GLI3: variants seen among roughly 807,000 people sequenced by gnomAD.
GLI3 encodes the protein GLI family zinc finger 3, also known as transcription activator GLI3.
Under a neutral mutation model 100.8 loss-of-function variants are expected in GLI3, and 20 were observed. The ratio of observed to expected loss-of-function variants is 0.20; its 90% CI spans 0.14 to 0.29. GLI3 has a LOEUF of 0.29. Ranked by LOEUF, GLI3 falls within the 10% of genes least tolerant of loss-of-function variation. GLI3 has a pLI of 1.00. For missense variants in GLI3, 2,040 were observed against 2,128.5 expected, an observed-to-expected ratio of 0.96 and a Z score of 0.82; for synonymous variants, 938 against 860.5, an observed-to-expected ratio of 1.09 and a Z score of -1.58.
chr7:42,076,412 A>T (rs1278621955), intron 4 of GLI3, among the ~76,000 whole-genome samples: 5 of 152,216 alleles, frequency 3.3e-5, no homozygotes, highest in Admixed American at 6.5e-5. Context: ...TGAACATAAC[A>T]AACTTCAAAC....
rs1007543767 is a variant in GLI3 at position 42,126,332 on chromosome 7, G to A, written c.367+21894C>T. ...TGTCTGCACACATTGCTTTAACAAC[G>A]CTCACCTATATGACTATTTCTCATA... On this transcript the variant is annotated intron_variant, in intron 3 of 14. Coordinates refer to ENST00000395925, the MANE Select transcript of GLI3 (RefSeq NM_000168.6). Among the ~76,000 whole-genome samples the A allele has an allele frequency of 4.6e-5, 7 of 152,226 alleles. 1 individual carries two copies. The highest frequency in any genetic ancestry group is 3.9e-4 in the Admixed American group (6 of 15,292).
chr7:42,016,525 T>C (rs1191280416), intron 10 of GLI3, among the ~76,000 whole-genome samples: 2 of 150,360 alleles, frequency 1.3e-5, no homozygotes, highest in East Asian at 2.0e-4. Context: ...TTTTAGCTAA[T>C]TCCCTCACCG....
rs781504214 is a variant in GLI3, at chr7:42,076,778, A to T, written c.447T>A (p.Asp149Glu). The change falls in exon 4 of 15, where the codon GAT becomes GAA. Residue 149 changes from aspartate to glutamate, a missense_variant. Around this residue, in one of 5 missense-constraint regions of GLI3, gnomAD observed 603 missense variants for 690.9 expected, o/e 0.87. Transcript: ENST00000395925. Reference protein sequence around the residue: ...ARHHEGRYHYDPSPIPPLHMT... With the variant: ...ARHHEGRYHYEPSPIPPLHMT... ...TATGCAATGGAGGAATCGGAGATGG[A>T]TCGTAATGGTAACGGCCCTCATGAT... 1 of 1,607,624 alleles carries T rather than the reference A, an allele frequency of 6.2e-7. No individual in the cohort carries two copies. The highest frequency in any genetic ancestry group is 8.5e-7 in the Non-Finnish European group (1 of 1,174,010).
At chr7:42,043,791 G>A (rs1485542036) in intron 6 of GLI3, among the ~76,000 whole-genome samples, 1 of 152,206 alleles carries the variant, frequency 6.6e-6, no homozygotes, top group Non-Finnish European at 1.5e-5. Flanking sequence ...AATAGGGAAA[G>A]TAATGCGGGC....
At chr7:42,036,303 G>C (rs1331062491) in intron 7 of GLI3, among the ~76,000 whole-genome samples, 1 of 152,276 alleles carries the variant, frequency 6.6e-6, no homozygotes, top group African/African-American at 2.4e-5. Flanking sequence ...CCACCATGTA[G>C]AAACTTACTT....
At chr7:42,234,894 T>C (rs932363555) in intron 1 of GLI3, among the ~76,000 whole-genome samples, 3 of 152,222 alleles carry the variant, frequency 2.0e-5, no homozygotes, top group Non-Finnish European at 2.9e-5. Context: ...TTACAACTAA[T>C]TTAAATGTTA....
At chr7:42,059,099 A>C (rs1382011710) in intron 4 of GLI3, among the ~76,000 whole-genome samples, 1 of 152,270 alleles carries the variant, frequency 6.6e-6, no homozygotes, top group Non-Finnish European at 1.5e-5. Flanking sequence ...CTCACATTTT[A>C]GAATTAAGAA....
At chr7:42,214,138 T>C (rs1398955944) in intron 2 of GLI3, among the ~76,000 whole-genome samples, 1 of 152,234 alleles carries the variant, frequency 6.6e-6, no homozygotes, top group African/African-American at 2.4e-5. Context: ...GGCTTTTCTC[T>C]CACATCTTTC....
rs777586456 is a variant in GLI3, at chr7:41,964,461, G to A, written c.4612C>T (p.Leu1538Phe). Residue 1538 changes from leucine to phenylalanine, a missense_variant, in exon 15 of 15, where the codon CTC (leucine) becomes TTC (phenylalanine). Leu to Phe is a conservative substitution (Grantham distance 22, BLOSUM62 0). Around this residue, in one of 5 missense-constraint regions of GLI3, gnomAD observed 1,041 missense variants for 924.0 expected, o/e 1.13. Transcript: ENST00000395925. The stretch of plus-strand genomic sequence containing the variant: ...GGGAGGGACGCCCGAGGCGTGGTGA[G>A]GCGGGAGGAGCTATGGGAAAGGTTC... ...IQNLSHSSSR[L>F]TTPRASLPFP... is the part of the protein sequence containing the mutation. The A allele has an allele frequency of 3.1e-6, 5 of 1,614,104 alleles. No homozygotes were observed. The South Asian group carries it at 5.5e-5, about 18-fold the overall frequency.
intron 1 of GLI3, among the ~76,000 whole-genome samples, chr7:42,247,002 G>A (rs968108167): frequency 3.3e-5 from 5 of 151,840 alleles, no homozygotes; most frequent in South Asian, 4.2e-4. Flanking sequence ...CCATTAAGCC[G>A]GTTGTACAGG....
At chr7:42,127,249 A>C (rs1562745285) in intron 3 of GLI3, among the ~76,000 whole-genome samples, 1 of 152,220 alleles carries the variant, frequency 6.6e-6, no homozygotes, top group Non-Finnish European at 1.5e-5. Flanking sequence ...TGCAGTAGAC[A>C]AACTGCCTCA....
chr7:42,148,135 GCACACACACACACACACACACACACACA>G, intron 3 of GLI3, 63 bp downstream of exon 3: 4 of 866,618 alleles, frequency 4.6e-6, no homozygotes, highest in South Asian at 2.2e-5. Context: ...CATAAAGCGC[GCACACACACACACACACACACACACACA>G]CACACACACA....
At chr7:42,188,721 G>C (rs1445637996) in intron 2 of GLI3, among the ~76,000 whole-genome samples, 1 of 152,156 alleles carries the variant, frequency 6.6e-6, no homozygotes, top group Non-Finnish European at 1.5e-5. Flanking sequence ...ATATCACTAA[G>C]TGAAAGAAGG....
intron 3 of GLI3, among the ~76,000 whole-genome samples, chr7:42,135,419 T>C (rs1335766270): frequency 6.6e-6 from 1 of 152,228 alleles, no homozygotes; most frequent in Non-Finnish European, 1.5e-5. Context: ...TATCTTTATC[T>C]CACAGACCAG....
At chr7:42,124,375 T>C (rs566164685) in intron 3 of GLI3, among the ~76,000 whole-genome samples, 122 of 152,340 alleles carry the variant, frequency 8.0e-4, no homozygotes, top group Admixed American at 2.5e-3. Flanking sequence ...ACGACACTTA[T>C]TGTGGGACTG....
Position 42,158,493 on chromosome 7 carries a change from ATT to A in GLI3, c.125-10027_125-10026del, listed in dbSNP as rs201692522. On this transcript the variant is annotated intron_variant, in intron 2 of 14. Coordinates refer to ENST00000395925, the MANE Select transcript of GLI3 (RefSeq NM_000168.6). ...TGTTCTATCTGTACATGTGAAGACTATTTTTTTTTTTTTGGGATGGACTTTCA... is the reference window on the plus strand; with the variant it reads ...TGTTCTATCTGTACATGTGAAGACTATTTTTTTTTTTGGGATGGACTTTCA... Among the ~76,000 whole-genome samples the A allele has an allele frequency of 2.2e-3, 311 of 142,800 alleles. 5 individuals are homozygous for A. The East Asian group carries it at 0.031, about 14-fold the overall frequency. 93.7% of individuals were successfully genotyped at this position (142,800 alleles called of 152,430 possible).
rs1787072045 is a variant in GLI3, at chr7:41,963,781, A to G, written c.*549T>C. On this transcript the variant is annotated 3_prime_UTR_variant, in exon 15 of 15. Transcript: ENST00000395925. ...TCATCTATGCTACAGTGCACCCACA[A>G]AAGTTTCTTAAACTAGCTATCCATA... The G allele has an allele frequency of 6.3e-6, 1 of 158,400 alleles. No individual in the cohort carries two copies. The highest frequency in any genetic ancestry group is 1.8e-4 in the South Asian group (1 of 5,460). 9.8% of individuals were successfully genotyped at this position (158,400 alleles called of 1,614,324 possible).
chr7:42,050,853 T>C (rs1018063419), intron 4 of GLI3, among the ~76,000 whole-genome samples: 19 of 152,170 alleles, frequency 1.2e-4, no homozygotes, highest in Non-Finnish European at 2.5e-4. Flanking sequence ...AGAATATCCC[T>C]AGAGGTCCAA....
intron 3 of GLI3, among the ~76,000 whole-genome samples, chr7:42,139,821 C>G (rs1169955437): frequency 6.6e-6 from 1 of 152,206 alleles, no homozygotes; most frequent in Non-Finnish European, 1.5e-5. Flanking sequence ...AAATTGAAAG[C>G]AGGGGTGAAT....
Sources: gnomAD v4.1 joint callset for allele counts (sites outside exome capture counted in the v4.1 genomes callset) on GRCh38, gnomAD v4.1.1 for gene constraint, gnomAD v4.1.1 regional missense constraint, MANE v1.5 for transcripts, NCBI Gene and HGNC (gene_info 2026-07-23, HGNC 2026-07-21) for gene names.